HPCAL1: variants seen among roughly 807,000 people sequenced by gnomAD.
HPCAL1 encodes hippocalcin like 1.
Under a neutral mutation model 17.1 loss-of-function variants are expected in HPCAL1, and 8 were observed. That is an observed-to-expected ratio of 0.47 (90% confidence interval 0.27 to 0.84). The LOEUF (loss-of-function observed/expected upper bound fraction) is 0.84, where lower values mean the gene tolerates loss of function less well. HPCAL1 is among the 40% of genes least tolerant of loss of function. HPCAL1 has a pLI of 0.13. For synonymous variants in HPCAL1, 112 were observed against 111.4 expected (o/e 1.01, Z -0.03); for missense variants, 165 against 271.1 (o/e 0.61, Z 2.75).
chr2:10,316,162 G>A lies in HPCAL1; in HGVS notation c.-111+12985G>A, dbSNP rs540419483. ...TTGACCTGGAAGGAGCCATCTCGGC[G>A]CCTGCTGTTTGAACCTTGGGTATTT... On this transcript the variant is annotated intron_variant, in intron 1 of 4. Transcript: ENST00000307845. 3.9e-5 allele frequency among the ~76,000 whole-genome samples: 6 copies of A among 152,226 alleles called. No homozygotes were observed. In the East Asian group the frequency reaches 9.6e-4, roughly 24 times the overall value.
intron 1 of HPCAL1, among the ~76,000 whole-genome samples, chr2:10,361,565 C>G (rs1025962958): frequency 6.6e-6 from 1 of 152,070 alleles, no homozygotes; most frequent in African/African-American, 2.4e-5. Context: ...GGTGTGAAAG[C>G]CCTTCTTATG....
chr2:10,349,339 G>T (rs1307155361), intron 1 of HPCAL1, among the ~76,000 whole-genome samples: 1 of 152,054 alleles, frequency 6.6e-6, no homozygotes, highest in Non-Finnish European at 1.5e-5. Context: ...CTTGTAAGAA[G>T]CCTGCTTTTC....
In HPCAL1 at chr2:10,395,888, G is replaced by A. The variant is rs183429201; in HGVS notation, c.-110-947G>A. Among the ~76,000 whole-genome samples the A allele has an allele frequency of 6.6e-6, 1 of 152,304 alleles. No homozygotes were observed. The highest frequency in any genetic ancestry group is 2.4e-5 in the African/African-American group (1 of 41,560). On this transcript the variant is annotated intron_variant, in intron 1 of 4. Coordinates refer to ENST00000307845, the MANE Select transcript of HPCAL1 (RefSeq NM_002149.4). The surrounding 1 kb of genome is among the most constrained non-coding windows in gnomAD (Gnocchi z 4.4). Reference sequence around the variant, plus strand: ...AGTACAAATGCATAGACAGCCTTTAGCAAGGAGCCTGGTTGTATAGAGCTG... The same window carrying A: ...AGTACAAATGCATAGACAGCCTTTAACAAGGAGCCTGGTTGTATAGAGCTG...
chr2:10,375,539 A>T (rs1208261701), intron 1 of HPCAL1, among the ~76,000 whole-genome samples: 1 of 152,210 alleles, frequency 6.6e-6, no homozygotes, highest in Non-Finnish European at 1.5e-5. Flanking sequence ...CAAGAACACA[A>T]ATTACGGTGA....
rs1049300933 is a variant in HPCAL1 at position 10,330,330 on chromosome 2, G to A, written c.-111+27153G>A. On this transcript the variant is annotated intron_variant, in intron 1 of 4. Transcript: ENST00000307845. The surrounding 1 kb of genome is among the most constrained non-coding windows in gnomAD (Gnocchi z 4.2). Reference sequence around the variant, plus strand: ...TGCTTATTCTTATTTAGTCCTCATAGGAGAGTGGCGAAGGGCAGCAGCTTT... The same window carrying A: ...TGCTTATTCTTATTTAGTCCTCATAAGAGAGTGGCGAAGGGCAGCAGCTTT... 3 of 152,200 alleles carry A rather than the reference G, an allele frequency of 2.0e-5. No individual in the cohort carries two copies. The highest frequency in any genetic ancestry group is 7.2e-5 in the African/African-American group (3 of 41,446). 9.4% of individuals were successfully genotyped at this position (152,200 alleles called of 1,614,324 possible). A position where few individuals can be genotyped will look rare whatever the true frequency, so the allele number is the denominator to read the frequency against.
intron 1 of HPCAL1, among the ~76,000 whole-genome samples, chr2:10,364,550 C>A (rs912921238): frequency 1.3e-5 from 2 of 151,326 alleles, no homozygotes; most frequent in East Asian, 1.9e-4. Flanking sequence ...CTTCCCTCCC[C>A]GGCCCTGACG....
chr2:10,406,111 G>T (rs775088391), intron 2 of HPCAL1, among the ~76,000 whole-genome samples: 12 of 152,128 alleles, frequency 7.9e-5, no homozygotes, highest in Non-Finnish European at 1.6e-4. Flanking sequence ...GTCATGCTCC[G>T]CGCTAATTCC....
At position 10,363,785 on chromosome 2, in the gene HPCAL1, G is replaced by A. The variant is rs546492887; in HGVS notation, c.-110-33050G>A. Among the ~76,000 whole-genome samples the A allele has an allele frequency of 5.9e-5, 9 of 152,332 alleles. 1 individual carries two copies. The highest frequency in any genetic ancestry group is 2.2e-4 in the African/African-American group (9 of 41,576). Reference sequence around the variant, plus strand: ...GTTTCGGATCTCCAGTCCTTGTGTGGGCTGCGTGACCTTGGATGAGTTATT... The same window carrying A: ...GTTTCGGATCTCCAGTCCTTGTGTGAGCTGCGTGACCTTGGATGAGTTATT... On this transcript the variant is annotated intron_variant, in intron 1 of 4. Coordinates refer to ENST00000307845, the MANE Select transcript of HPCAL1 (RefSeq NM_002149.4). This position sits in a 1 kb window ranked among gnomAD's most constrained non-coding sequence, Gnocchi z 4.7.
In HPCAL1 at chr2:10,363,296, A is replaced by G. The variant is rs1402972735; in HGVS notation, c.-110-33539A>G. Among the ~76,000 whole-genome samples, 3 of 152,146 alleles carry G rather than the reference A, an allele frequency of 2.0e-5. No homozygotes were observed. Among genetic ancestry groups the G allele is most frequent in the African/African-American group, 4.8e-5 (2 of 41,414 alleles). On this transcript the variant is annotated intron_variant, in intron 1 of 4. Coordinates refer to ENST00000307845, the MANE Select transcript of HPCAL1 (RefSeq NM_002149.4). This position sits in a 1 kb window ranked among gnomAD's most constrained non-coding sequence, Gnocchi z 4.7. Reference sequence around the variant, plus strand: ...CTGAGGTCACTGCCACACCATGGCAAGAAAAGTATTTCTGACTCCTGGAGC... The same window carrying G: ...CTGAGGTCACTGCCACACCATGGCAGGAAAAGTATTTCTGACTCCTGGAGC...
At chr2:10,317,405 A>AATAATTC (rs1663385141) in intron 1 of HPCAL1, among the ~76,000 whole-genome samples, 1 of 143,556 alleles carries the variant, frequency 7.0e-6, no homozygotes, top group South Asian at 2.3e-4. Context: ...TACCCCTTAA[A>AATAATTC]ATAATTCAAC....
At chr2:10,358,758 C>G (rs1269504249) in intron 1 of HPCAL1, among the ~76,000 whole-genome samples, 1 of 152,218 alleles carries the variant, frequency 6.6e-6, no homozygotes, top group Non-Finnish European at 1.5e-5. Flanking sequence ...TCTGGCTCCC[C>G]CATCTGCTGG....
rs541469371 is a variant in HPCAL1, at chr2:10,327,471, G to A, written c.-111+24294G>A. 5.9e-5 allele frequency among the ~76,000 whole-genome samples: 9 copies of A among 152,264 alleles called. No homozygotes were observed. The South Asian group carries it at 1.2e-3, about 21-fold the overall frequency. The stretch of plus-strand genomic sequence containing the variant: ...CCCCAGGCAAGTCAGTTAACTTCTT[G>A]GAGCCTCAGTTTCCTGACATGCAAA... On this transcript the variant is annotated intron_variant, in intron 1 of 4. Coordinates refer to ENST00000307845, the MANE Select transcript of HPCAL1 (RefSeq NM_002149.4).
intron 1 of HPCAL1, among the ~76,000 whole-genome samples, chr2:10,326,871 G>A (rs1190014129): frequency 3.9e-5 from 6 of 152,120 alleles, no homozygotes; most frequent in East Asian, 1.9e-4. Context: ...CATGGCAGCC[G>A]CTTGTCCTCC....
chr2:10,420,155 C>CG lies in HPCAL1; in HGVS notation c.378+23dup. 6.3e-7 allele frequency: 1 copy of CG among 1,584,960 alleles called. No individual in the cohort carries two copies. The highest frequency in any genetic ancestry group is 8.6e-7 in the Non-Finnish European group (1 of 1,162,832). On this transcript the variant is annotated intron_variant, in intron 3 of 4. Coordinates refer to ENST00000307845, the MANE Select transcript of HPCAL1 (RefSeq NM_002149.4). ...GTGCAGGTACCGGCGCCCGAGGCCC[C>CG]GGGTCTCACCGCGGGCCCAGGTCCC...
At chr2:10,345,163 G>A (rs528542560) in intron 1 of HPCAL1, among the ~76,000 whole-genome samples, 4 of 151,226 alleles carry the variant, frequency 2.6e-5, no homozygotes, top group Non-Finnish European at 5.9e-5. Flanking sequence ...TGCTCTCTCT[G>A]TTTCAATCTC....
At chr2:10,375,420 C>G (rs1196138489) in intron 1 of HPCAL1, among the ~76,000 whole-genome samples, 1 of 152,160 alleles carries the variant, frequency 6.6e-6, no homozygotes, top group Admixed American at 6.5e-5. Flanking sequence ...AGCTGCGGAG[C>G]AACAGCTCCC....
At chr2:10,357,293 C>G (rs546934784) in intron 1 of HPCAL1, among the ~76,000 whole-genome samples, 1 of 152,368 alleles carries the variant, frequency 6.6e-6, no homozygotes, top group Non-Finnish European at 1.5e-5. Context: ...TTCTCAACTC[C>G]TGGCCCAGCC....
chr2:10,308,330 G>A (rs1159361523), intron 1 of HPCAL1, among the ~76,000 whole-genome samples: 1 of 152,146 alleles, frequency 6.6e-6, no homozygotes, highest in Non-Finnish European at 1.5e-5. Flanking sequence ...ATGATTTTCA[G>A]TAAATTAATA....
intron 1 of HPCAL1, among the ~76,000 whole-genome samples, chr2:10,370,210 C>T (rs1220893640): frequency 4.6e-5 from 7 of 152,226 alleles, no homozygotes; most frequent in Middle Eastern, 3.2e-3. Context: ...TTCCCCAAAT[C>T]GCCTCTGCTT....
Sources: gnomAD v4.1 joint callset for allele counts (sites outside exome capture counted in the v4.1 genomes callset) on GRCh38, gnomAD v4.1.1 for gene constraint, Gnocchi (gnomAD v3.1) non-coding constraint, MANE v1.5 for transcripts, NCBI Gene and HGNC (gene_info 2026-07-23, HGNC 2026-07-21) for gene names.